The following MCM8 variants were observed in gnomAD, a reference collection of about 807,000 sequenced individuals.
The protein encoded by MCM8 is minichromosome maintenance 8 homologous recombination repair factor.
MCM8 carries 85 observed loss-of-function variants against 98.9 expected under a neutral mutation model. The observed-to-expected ratio is 0.86, with a 90% confidence interval of 0.72 to 1.03. The LOEUF (loss-of-function observed/expected upper bound fraction) is 1.03, where lower values mean the gene tolerates loss of function less well. Ranked by LOEUF, MCM8 falls within the 50% of genes least tolerant of loss-of-function variation. The pLI, the probability that MCM8 is intolerant of heterozygous loss-of-function variation, is 0.00. For missense variants in MCM8, 951 were observed against 997.8 expected, an observed-to-expected ratio of 0.95 and a Z score of 0.63; for synonymous variants, 352 against 338.6, an observed-to-expected ratio of 1.04 and a Z score of -0.44.
intron 13 of MCM8, among the ~76,000 whole-genome samples, chr20:5,980,602 T>G (rs1196539070): frequency 6.6e-6 from 1 of 152,140 alleles, no homozygotes; most frequent in Non-Finnish European, 1.5e-5. Context: ...TTGGAGGTTT[T>G]TTAAAAAAAT....
intron 16 of MCM8, among the ~76,000 whole-genome samples, chr20:5,986,704 A>G (rs573449832): frequency 2.0e-5 from 3 of 152,386 alleles, no homozygotes; most frequent in African/African-American, 4.8e-5. Flanking sequence ...AGGGAAAACC[A>G]AGTGTATTTC....
intron 17 of MCM8, among the ~76,000 whole-genome samples, chr20:5,992,988 A>C (rs901075924): frequency 1.3e-5 from 2 of 152,136 alleles, no homozygotes; most frequent in Non-Finnish European, 2.9e-5. Flanking sequence ...ATATTGTGAA[A>C]ATTAGAGAAA....
chr20:5,975,448 C>T (rs1333039082), intron 12 of MCM8, among the ~76,000 whole-genome samples: 1 of 150,888 alleles, frequency 6.6e-6, no homozygotes, highest in African/African-American at 2.4e-5. Context: ...GTACAAATCT[C>T]ATAATTTATA....
Position 5,995,282 on chromosome 20 carries a change from A to G in MCM8, c.*891A>G, listed in dbSNP as rs1161441623. 1.3e-5 allele frequency: 2 copies of G among 152,228 alleles called. No homozygotes were observed. Among genetic ancestry groups the G allele is most frequent in the Non-Finnish European group, 2.9e-5 (2 of 68,054 alleles). 9.4% of individuals were successfully genotyped at this position (152,228 alleles called of 1,614,324 possible). On this transcript the variant is annotated 3_prime_UTR_variant, in exon 19 of 19. Transcript: ENST00000610722. ...TGCTTGAAACAATAGAAACAGACTGATTAAGCAGGAGAAGTTTTTTGAAAG... is the reference window on the plus strand; with the variant it reads ...TGCTTGAAACAATAGAAACAGACTGGTTAAGCAGGAGAAGTTTTTTGAAAG...
At chr20:5,952,645 G>A in intron 3 of MCM8, 117 bp downstream of exon 3, 1 of 816,678 alleles carries the variant, frequency 1.2e-6, no homozygotes, top group Middle Eastern at 2.4e-4. Context: ...TTTAATCTTA[G>A]TTCACCCAAA....
chr20:5,954,648 A>G lies in MCM8; in HGVS notation c.294A>G (p.Ala98=). 2.5e-6 allele frequency: 4 copies of G among 1,611,388 alleles called. No homozygotes were observed. The highest frequency in any genetic ancestry group is 3.4e-6 in the Non-Finnish European group (4 of 1,177,870). ...DSSPLIEKIQ[A]FEKFFTRHID... is the part of the protein sequence containing the mutation. ...CTCCTTTGATTGAGAAGATTCAAGC[A>G]TTTGAAAAATTTTTCACAAGGCATA... The change falls in exon 4 of 19, where the codon GCA becomes GCG. Residue 98 remains alanine, a synonymous_variant. Transcript: ENST00000610722.
Position 5,988,836 on chromosome 20 carries a change from C to T in MCM8, c.2240+1478C>T, listed in dbSNP as rs149889616. ...TAGTAGCTGCTGATTCTGAGGTTTGCGTGGTGTCAGAACCAGGTGGTTTTG... is the reference window on the plus strand; with the variant it reads ...TAGTAGCTGCTGATTCTGAGGTTTGTGTGGTGTCAGAACCAGGTGGTTTTG... On this transcript the variant is annotated intron_variant, in intron 17 of 18. Coordinates refer to ENST00000610722, the MANE Select transcript of MCM8 (RefSeq NM_032485.6). 7.0e-3 allele frequency among the ~76,000 whole-genome samples: 1,071 copies of T among 152,230 alleles called. 4 individuals are homozygous for T. Among genetic ancestry groups the T allele is most frequent in the Middle Eastern group, 0.034 (10 of 294 alleles).
chr20:5,992,548 A>G (rs1430030359), intron 17 of MCM8, among the ~76,000 whole-genome samples: 1 of 152,186 alleles, frequency 6.6e-6, no homozygotes, highest in Non-Finnish European at 1.5e-5. Context: ...AAAAGAGATT[A>G]TGCTGTATTT....
intron 13 of MCM8, 27 bp downstream of exon 13, chr20:5,978,044 G>A: frequency 6.2e-7 from 1 of 1,612,888 alleles, no homozygotes; most frequent in Non-Finnish European, 8.5e-7. Context: ...AATAATTAGT[G>A]ATTCTGGGAC....
intron 17 of MCM8, among the ~76,000 whole-genome samples, chr20:5,989,731 G>C (rs1027293762): frequency 6.6e-6 from 1 of 152,126 alleles, no homozygotes; most frequent in Non-Finnish European, 1.5e-5. Context: ...GCTGCCTCTA[G>C]AGGTATGCAG....
Position 5,985,865 on chromosome 20 carries a change from G to A in MCM8, c.1954-57G>A, listed in dbSNP as rs924751836. 3 of 1,576,286 alleles carry A rather than the reference G, an allele frequency of 1.9e-6. No individual in the cohort carries two copies. The Admixed American group carries it at 5.1e-5, about 27-fold the overall frequency. ...CTGGCCTAAACAAGTTATTTTAGCA[G>A]AAATATTTTATTTGCTACTTATCCT... On this transcript the variant is annotated intron_variant, in intron 15 of 18. Coordinates refer to ENST00000610722, the MANE Select transcript of MCM8 (RefSeq NM_032485.6).
chr20:5,985,805 C>G (rs1285525553), intron 15 of MCM8, 117 bp from the exon 16 acceptor site: 7 of 996,744 alleles, frequency 7.0e-6, no homozygotes, highest in Non-Finnish European at 1.0e-5. Context: ...CTTGGCCTCC[C>G]AAAGCGCAGG....
chr20:5,983,374 A>G (rs1265658403), intron 14 of MCM8, among the ~76,000 whole-genome samples: 2 of 152,216 alleles, frequency 1.3e-5, no homozygotes, highest in African/African-American at 2.4e-5. Flanking sequence ...AACATTTTAA[A>G]TATTAATCAT....
Position 5,963,326 on chromosome 20 carries a change from C to T in MCM8, c.842C>T (p.Pro281Leu). 1 of 1,614,072 alleles carries T rather than the reference C, an allele frequency of 6.2e-7. No homozygotes were observed. The highest frequency in any genetic ancestry group is 8.5e-7 in the Non-Finnish European group (1 of 1,179,986). Residue 281 changes from proline to leucine, a missense_variant, in exon 8 of 19, where the codon CCT (proline) becomes CTT (leucine). Coordinates refer to ENST00000610722, the MANE Select transcript of MCM8 (RefSeq NM_032485.6). ...TCATTTACTGCTCTCCGCAGCTCTCCTCTCACAGTTACGATGGACTGGCAG... is the reference window on the plus strand; with the variant it reads ...TCATTTACTGCTCTCCGCAGCTCTCTTCTCACAGTTACGATGGACTGGCAG... Reference protein sequence around the residue: ...GRSFTALRSSPLTVTMDWQSI... With the variant: ...GRSFTALRSSLLTVTMDWQSI...
intron 3 of MCM8, among the ~76,000 whole-genome samples, chr20:5,953,906 G>GT (rs1182063360): frequency 6.6e-6 from 1 of 151,932 alleles, no homozygotes; most frequent in East Asian, 1.9e-4. Context: ...AAATCTGTTC[G>GT]TTTTTTTCCA....
At chr20:5,982,000 CAGAGAT>C (rs953072184) in intron 13 of MCM8, among the ~76,000 whole-genome samples, 1 of 152,052 alleles carries the variant, frequency 6.6e-6, no homozygotes, top group Non-Finnish European at 1.5e-5. Context: ...GGGGAAGTAA[CAGAGAT>C]AGAGAACAAA....
intron 12 of MCM8, among the ~76,000 whole-genome samples, chr20:5,973,739 C>T (rs149004082): frequency 1.8e-4 from 28 of 151,634 alleles, no homozygotes; most frequent in African/African-American, 6.6e-4. Context: ...ACTGCAACCT[C>T]TGCCTCCCAC....
chr20:5,992,551 C>T (rs180988045), intron 17 of MCM8, among the ~76,000 whole-genome samples: 166 of 152,246 alleles, frequency 1.1e-3, no homozygotes, highest in African/African-American at 3.2e-3. Flanking sequence ...AGAGATTATG[C>T]TGTATTTCAG....
chr20:5,994,326 T>A lies in MCM8; in HGVS notation c.2458T>A (p.Ser820Thr), dbSNP rs1226973710. The A allele has an allele frequency of 6.9e-6, 11 of 1,603,790 alleles. No individual in the cohort carries two copies. The highest frequency in any genetic ancestry group is 2.7e-5 in the African/African-American group (2 of 74,180). ...QVADFENFIG[S>T]LNDQGYLLKK... is the part of the protein sequence containing the mutation. ...TGCTGATTTTGAAAATTTTATTGGA[T>A]CACTAAATGACCAGGGTTACCTCTT... Residue 820 changes from serine (S) to threonine (T), a missense_variant, in exon 19 of 19, where the codon TCA becomes ACA. Coordinates refer to ENST00000610722, the MANE Select transcript of MCM8 (RefSeq NM_032485.6).
Sources: gnomAD v4.1 joint callset for allele counts (sites outside exome capture counted in the v4.1 genomes callset) on GRCh38, gnomAD v4.1.1 for gene constraint, MANE v1.5 for transcripts, NCBI Gene and HGNC (gene_info 2026-07-23, HGNC 2026-07-21) for gene names.